ALK: variants seen among roughly 807,000 people sequenced by gnomAD.
The protein encoded by ALK is ALK receptor tyrosine kinase, also known as ALK tyrosine kinase receptor.
A neutral mutation model predicts 163.1 loss-of-function variants in ALK; 74 were observed. The observed-to-expected ratio is 0.45, with a 90% CI of 0.38 to 0.55. The LOEUF (loss-of-function observed/expected upper bound fraction) is 0.55. Among genes scored for constraint, ALK ranks in the 20% least tolerant of loss-of-function variants. The pLI is 0.00. For synonymous variants in ALK, 960 were observed against 843.2 expected, an observed-to-expected ratio of 1.14 and a Z score of -2.40; for missense variants, 2,063 against 2,105.3, an observed-to-expected ratio of 0.98 and a Z score of 0.39.
At chr2:29,890,655 T>A (rs1667119273) in intron 1 of ALK, 1 of 152,228 alleles carries the variant, frequency 6.6e-6, no homozygotes, top group Non-Finnish European at 1.5e-5. Context: ...CCTCTGAATC[T>A]CTGAGCGGGT....
At chr2:29,740,825 A>T (rs1680038211) in intron 1 of ALK, among the ~76,000 whole-genome samples, 1 of 152,050 alleles carries the variant, frequency 6.6e-6, no homozygotes, top group African/African-American at 2.4e-5. Flanking sequence ...AACATAGTGA[A>T]ACCCTGTCTC....
chr2:29,286,940 T>C (rs1665872306), intron 9 of ALK: 1 of 152,136 alleles, frequency 6.6e-6, no homozygotes, highest in Admixed American at 6.5e-5. Context: ...TTTTTTTTTT[T>C]TTTCAAATCT....
At chr2:29,823,871 A>G in intron 1 of ALK, among the ~76,000 whole-genome samples, 1 of 152,238 alleles carries the variant, frequency 6.6e-6, no homozygotes, top group Non-Finnish European at 1.5e-5. Context: ...TGCATAAGTA[A>G]TAAGGAGTTG....
At chr2:29,893,242 C>A (rs1284976029) in intron 1 of ALK, among the ~76,000 whole-genome samples, 1 of 152,088 alleles carries the variant, frequency 6.6e-6, no homozygotes, top group African/African-American at 2.4e-5. Context: ...CTTCATGGTC[C>A]TTTTTACATT....
At chr2:29,660,763 GT>G (rs1677323078) in intron 3 of ALK, among the ~76,000 whole-genome samples, 1 of 152,056 alleles carries the variant, frequency 6.6e-6, no homozygotes, top group East Asian at 1.9e-4. Flanking sequence ...GTGCACAGCT[GT>G]TCCAAAGCTC....
At chr2:29,239,106 G>A (rs181104968) in intron 13 of ALK, among the ~76,000 whole-genome samples, 114 of 152,270 alleles carry the variant, frequency 7.5e-4, no homozygotes, top group African/African-American at 2.6e-3. Flanking sequence ...TATGCAAAAG[G>A]TTGCACTTGC....
At chr2:29,690,004 C>G (rs1558443336) in intron 3 of ALK, among the ~76,000 whole-genome samples, 1 of 152,204 alleles carries the variant, frequency 6.6e-6, no homozygotes, top group Non-Finnish European at 1.5e-5. Context: ...ATTTCATACT[C>G]TTGGCTTCTA....
At chr2:29,780,538 A>G (rs933621404) in intron 1 of ALK, among the ~76,000 whole-genome samples, 4 of 152,252 alleles carry the variant, frequency 2.6e-5, no homozygotes, top group African/African-American at 7.2e-5. Flanking sequence ...AGCTTATTTT[A>G]AAAGATTATT....
chr2:29,392,671 G>A (rs978897882), intron 4 of ALK, among the ~76,000 whole-genome samples: 1 of 152,212 alleles, frequency 6.6e-6, no homozygotes, highest in African/African-American at 2.4e-5. Context: ...TACCTCTACA[G>A]ACTTAGCCTC....
chr2:29,783,777 G>A (rs1466482114), intron 1 of ALK, among the ~76,000 whole-genome samples: 2 of 152,148 alleles, frequency 1.3e-5, no homozygotes, highest in Non-Finnish European at 2.9e-5. Context: ...TAACATCCCT[G>A]TCCTCACTGG....
chr2:29,715,913 A>G (rs1450693742), intron 2 of ALK, among the ~76,000 whole-genome samples: 3 of 152,236 alleles, frequency 2.0e-5, no homozygotes, highest in African/African-American at 7.2e-5. Context: ...CTTAAGAATC[A>G]CAGGAAACAT....
At chr2:29,436,826 G>A (rs11889389) in intron 4 of ALK, among the ~76,000 whole-genome samples, 148,305 of 152,274 alleles carry the variant, frequency 0.97, 72,309 homozygotes, top group Non-Finnish European at 1. Context: ...AAGTTTTATG[G>A]AACATCTGTG....
At chr2:29,830,113 G>A (rs982525378) in intron 1 of ALK, among the ~76,000 whole-genome samples, 1 of 152,224 alleles carries the variant, frequency 6.6e-6, no homozygotes, top group Non-Finnish European at 1.5e-5. Flanking sequence ...TGTTTGTGTA[G>A]TGGATGTTTT....
rs139353973 is a variant in ALK, at chr2:29,511,516, A to G, written c.1154+20399T>C. 5.1e-3 allele frequency among the ~76,000 whole-genome samples: 778 copies of G among 152,264 alleles called. 9 individuals are homozygous for G. The highest frequency in any genetic ancestry group is 0.017 in the African/African-American group (696 of 41,552). On this transcript the variant is annotated intron_variant, in intron 4 of 28. Transcript: ENST00000389048. ...GGATAGTGTTCCATAGTATAGATAA[A>G]CCACAATTTCTTTATCTATTCACCT...
intron 3 of ALK, among the ~76,000 whole-genome samples, chr2:29,594,298 T>C (rs1329915734): frequency 1.3e-5 from 2 of 152,160 alleles, no homozygotes; most frequent in African/African-American, 4.8e-5. Context: ...AAATACTATA[T>C]AAGGGTGTGA....
intron 11 of ALK, among the ~76,000 whole-genome samples, chr2:29,254,881 T>C (rs1664913499): frequency 6.6e-6 from 1 of 152,216 alleles, no homozygotes. Context: ...AAGGGACCTG[T>C]ACTTTCCCAA....
At chr2:29,819,434 AAGCAGATT>A (rs1328775394) in intron 1 of ALK, among the ~76,000 whole-genome samples, 1 of 152,196 alleles carries the variant, frequency 6.6e-6, no homozygotes, top group Non-Finnish European at 1.5e-5. Context: ...TTCTTGTGTG[AAGCAGATT>A]AGCTAATACT....
Position 29,318,371 on chromosome 2 carries a change from G to C in ALK, c.1580C>G (p.Pro527Arg), listed in dbSNP as rs781414872. 12 of 1,613,958 alleles carry C rather than the reference G, an allele frequency of 7.4e-6. 1 individual carries two copies. The South Asian group carries it at 1.2e-4, about 16-fold the overall frequency. The change falls in exon 8 of 29, where the codon CCC becomes CGC. Residue 527 changes from proline to arginine, a missense_variant. This residue lies in a region of ALK where 987 missense variants were observed against 939.5 expected (regional missense o/e 1.05). Transcript: ENST00000389048. ...HALLLSTTDVPASESATVTSA... is the reference protein window; with the variant it reads ...HALLLSTTDVRASESATVTSA... ...GGTCACTGTAGCACTTTCAGAAGCGGGGACATCAGTGGTACTGAGCAATAG... is the reference window on the plus strand; with the variant it reads ...GGTCACTGTAGCACTTTCAGAAGCGCGGACATCAGTGGTACTGAGCAATAG...
chr2:29,877,069 T>C (rs1666742581), intron 1 of ALK, among the ~76,000 whole-genome samples: 1 of 152,226 alleles, frequency 6.6e-6, no homozygotes, highest in Admixed American at 6.5e-5. Context: ...CATATTTACA[T>C]TATCAGAGGT....
Sources: allele counts gnomAD v4.1 joint callset (sites outside exome capture counted in the v4.1 genomes callset), GRCh38; gene constraint gnomAD v4.1.1; regional missense constraint gnomAD v4.1.1; transcripts MANE v1.5; gene names NCBI Gene and HGNC (gene_info 2026-07-23, HGNC 2026-07-21).